PTPRG: variants seen among roughly 807,000 people sequenced by gnomAD.
PTPRG encodes the protein receptor-type tyrosine-protein phosphatase gamma.
PTPRG carries 102 observed loss-of-function variants against 165.3 expected under a neutral mutation model. That is an observed-to-expected ratio of 0.62 (90% CI 0.53 to 0.73). The LOEUF is 0.73. Among genes scored for constraint, PTPRG ranks in the 30% least tolerant of loss-of-function variants. The pLI is 0.00. For missense variants in PTPRG, 1,866 were observed against 1,861.4 expected (o/e 1.00, Z -0.05); for synonymous variants, 675 against 669.5 (o/e 1.01, Z -0.13).
chr3:62,085,621 G>T (rs1701727389), intron 5 of PTPRG, among the ~76,000 whole-genome samples: 1 of 152,110 alleles, frequency 6.6e-6, no homozygotes, highest in Admixed American at 6.5e-5. Context: ...GATAGTTGAT[G>T]AGTTAGCTTC....
At chr3:62,047,263 T>TTATTTATTTATTTATG (rs72146414) in intron 4 of PTPRG, among the ~76,000 whole-genome samples, 28,422 of 149,778 alleles carry the variant, frequency 0.19, 3,035 homozygotes, top group East Asian at 0.26. Context: ...ATTTATTTAT[T>TTATTTATTTATTTATG]TATTTATTTT....
intron 4 of PTPRG, among the ~76,000 whole-genome samples, chr3:62,033,106 C>A (rs1699822323): frequency 6.6e-6 from 1 of 152,114 alleles, no homozygotes. Flanking sequence ...TGCCTCCCAG[C>A]CCAGTTACAT....
chr3:61,849,131 A>G (rs970646084), intron 2 of PTPRG, among the ~76,000 whole-genome samples: 6 of 152,212 alleles, frequency 3.9e-5, no homozygotes, highest in Admixed American at 2.6e-4. Context: ...TCCTCTTGAA[A>G]CAAAACGTCA....
chr3:62,136,953 C>T (rs1703731001), intron 6 of PTPRG, among the ~76,000 whole-genome samples: 1 of 152,118 alleles, frequency 6.6e-6, no homozygotes, highest in Non-Finnish European at 1.5e-5. Flanking sequence ...CCCTAGAAAC[C>T]TCTTGACCAC....
chr3:62,094,790 G>A (rs553079100), intron 5 of PTPRG, among the ~76,000 whole-genome samples: 38 of 152,288 alleles, frequency 2.5e-4, no homozygotes, highest in Admixed American at 6.5e-4. Flanking sequence ...GGGAGAGTAG[G>A]GAGGCTGATG....
chr3:61,858,711 T>C (rs1435531958), intron 2 of PTPRG, among the ~76,000 whole-genome samples: 1 of 152,194 alleles, frequency 6.6e-6, no homozygotes, highest in Admixed American at 6.5e-5. Context: ...GAGATATCAA[T>C]TGAGGGTAGC....
intron 5 of PTPRG, among the ~76,000 whole-genome samples, chr3:62,104,948 A>G (rs1702420833): frequency 6.6e-6 from 1 of 152,184 alleles, no homozygotes; most frequent in Non-Finnish European, 1.5e-5. Flanking sequence ...ATATCTAGGT[A>G]ATAGGATACA....
In PTPRG at chr3:61,875,644, C is replaced by G. The variant is rs1020129270; in HGVS notation, c.191-113981C>G. Among the ~76,000 whole-genome samples the G allele has an allele frequency of 2.0e-5, 3 of 152,010 alleles. No homozygotes were observed. The East Asian group carries it at 5.8e-4, about 29-fold the overall frequency. ...TCAGCTATACACACACATGCACATG[C>G]GCACACACACACGGCACACACACAC... On this transcript the variant is annotated intron_variant, in intron 2 of 29. Coordinates refer to ENST00000474889, the MANE Select transcript of PTPRG (RefSeq NM_002841.4).
chr3:61,704,223 A>C (rs1374903444), intron 1 of PTPRG, among the ~76,000 whole-genome samples: 1 of 152,066 alleles, frequency 6.6e-6, no homozygotes, highest in Non-Finnish European at 1.5e-5. Flanking sequence ...GTTACTAAAA[A>C]CTGTACTTCA....
intron 1 of PTPRG, among the ~76,000 whole-genome samples, chr3:61,578,740 A>G (rs572551941): frequency 6.6e-6 from 1 of 152,368 alleles, no homozygotes; most frequent in Non-Finnish European, 1.5e-5. Context: ...GTGCATCCAC[A>G]GGCCAAGGAA....
intron 5 of PTPRG, among the ~76,000 whole-genome samples, chr3:62,088,012 T>C (rs1243647914): frequency 6.6e-6 from 1 of 152,238 alleles, no homozygotes; most frequent in Non-Finnish European, 1.5e-5. Context: ...ATGCTGTGGT[T>C]ATGTAAGCAT....
intron 2 of PTPRG, among the ~76,000 whole-genome samples, chr3:61,783,538 G>C (rs2034605565): frequency 6.6e-6 from 1 of 152,164 alleles, no homozygotes. Flanking sequence ...CTAGGGTGTG[G>C]CTTGGTGGAC....
chr3:61,820,751 A>C (rs2035929850), intron 2 of PTPRG, among the ~76,000 whole-genome samples: 1 of 151,848 alleles, frequency 6.6e-6, no homozygotes. Flanking sequence ...TTGTTTGAGT[A>C]ACAGCTAGCT....
intron 1 of PTPRG, among the ~76,000 whole-genome samples, chr3:61,594,356 C>T (rs1452339003): frequency 1.3e-5 from 2 of 152,032 alleles, no homozygotes; most frequent in African/African-American, 2.4e-5. Flanking sequence ...TTCTTCCATT[C>T]TGAGTGGACC....
intron 1 of PTPRG, among the ~76,000 whole-genome samples, chr3:61,612,694 G>A (rs889358120): frequency 6.6e-6 from 1 of 152,150 alleles, no homozygotes; most frequent in Admixed American, 6.5e-5. Context: ...ACACTTTAGA[G>A]TTCTTGGAAT....
At chr3:61,993,950 G>C (rs565516152) in intron 3 of PTPRG, among the ~76,000 whole-genome samples, 173 of 152,294 alleles carry the variant, frequency 1.1e-3, no homozygotes, top group Non-Finnish European at 2.0e-3. Context: ...AATCCCCTGA[G>C]AGTGCTATAT....
chr3:61,626,368 G>C (rs984249404), intron 1 of PTPRG, among the ~76,000 whole-genome samples: 1 of 152,044 alleles, frequency 6.6e-6, no homozygotes, highest in African/African-American at 2.4e-5. Context: ...TTGCCTGCTG[G>C]TATGCCATTA....
At chr3:61,939,538 A>G (rs1337984818) in intron 2 of PTPRG, among the ~76,000 whole-genome samples, 1 of 152,240 alleles carries the variant, frequency 6.6e-6, no homozygotes, top group Non-Finnish European at 1.5e-5. Context: ...TTAGCCATGT[A>G]AAAGAAGTAA....
chr3:61,596,530 C>T (rs1700704847), intron 1 of PTPRG, among the ~76,000 whole-genome samples: 1 of 152,036 alleles, frequency 6.6e-6, no homozygotes, highest in Non-Finnish European at 1.5e-5. Context: ...GGGCAAGACA[C>T]TTGCTATCTG....
Sources: allele counts gnomAD v4.1 joint callset (sites outside exome capture counted in the v4.1 genomes callset), GRCh38; gene constraint gnomAD v4.1.1; transcripts MANE v1.5; gene names NCBI Gene and HGNC (gene_info 2026-07-23, HGNC 2026-07-21).